UNC13C: variants seen among roughly 807,000 people sequenced by gnomAD.
UNC13C encodes protein unc-13 homolog C.
A neutral mutation model predicts 245.4 loss-of-function variants in UNC13C; 174 were observed. The observed-to-expected ratio is 0.71, with a 90% confidence interval of 0.63 to 0.80. The LOEUF (loss-of-function observed/expected upper bound fraction) is 0.80. Ranked by LOEUF, UNC13C falls within the 30% of genes least tolerant of loss-of-function variation. The pLI is 0.00. For missense variants in UNC13C, 2,829 were observed against 2,602.9 expected (o/e 1.09, Z -1.89); for synonymous variants, 992 against 895.1 (o/e 1.11, Z -1.93).
At chr15:54,163,634 T>A (rs2141271131) in intron 4 of UNC13C, among the ~76,000 whole-genome samples, 1 of 152,330 alleles carries the variant, frequency 6.6e-6, no homozygotes, top group South Asian at 2.1e-4. Flanking sequence ...CTGCCATTAC[T>A]TCCTGAGAAT....
Position 54,014,420 on chromosome 15 carries a change from A to T in UNC13C, c.1517A>T (p.Asp506Val), listed in dbSNP as rs763225247. ...ANSSRISNKS[D>V]YDKISSQLPE... The stretch of plus-strand genomic sequence containing the variant: ...AGCAGCAGAATTTCAAATAAATCAG[A>T]TTATGATAAAATCTCCTCACAGTTG... The change falls in exon 2 of 33, where the codon GAT becomes GTT. Residue 506 changes from aspartate to valine, a missense_variant. Asp to Val is a radical substitution (Grantham distance 152). Coordinates refer to ENST00000260323, the MANE Select transcript of UNC13C (RefSeq NM_001080534.3). 2.1e-5 allele frequency: 34 copies of T among 1,613,706 alleles called. No homozygotes were observed. The highest frequency in any genetic ancestry group is 1.3e-4 in the South Asian group (12 of 91,086).
chr15:54,279,028 G>A (rs1414779835), intron 10 of UNC13C, among the ~76,000 whole-genome samples: 1 of 152,096 alleles, frequency 6.6e-6, no homozygotes, highest in Non-Finnish European at 1.5e-5. Context: ...TCATTCAGAT[G>A]TTCATAAACA....
the UNC13C span, among the ~76,000 whole-genome samples, chr15:53,938,649 A>G: frequency 6.6e-6 from 1 of 152,228 alleles, no homozygotes; most frequent in African/African-American, 2.4e-5. Flanking sequence ...CTGAAATCAT[A>G]ACAATCCCTC....
At chr15:54,364,015 G>A (rs1046859875) in intron 17 of UNC13C, among the ~76,000 whole-genome samples, 7 of 152,068 alleles carry the variant, frequency 4.6e-5, no homozygotes, top group Non-Finnish European at 8.8e-5. Context: ...AATTTGGGGC[G>A]AATTACATCA....
chr15:54,181,049 T>A (rs2033781380), intron 4 of UNC13C, among the ~76,000 whole-genome samples: 1 of 152,054 alleles, frequency 6.6e-6, no homozygotes, highest in East Asian at 1.9e-4. Context: ...TTTTGAGGAC[T>A]TAGTCATAAA....
chr15:54,621,479 C>T (rs1440930820), intron 30 of UNC13C, among the ~76,000 whole-genome samples: 3 of 138,786 alleles, frequency 2.2e-5, no homozygotes, highest in Non-Finnish European at 4.8e-5. Context: ...AGCCTGTAGT[C>T]GTTGATGTAG....
At chr15:54,329,016 A>C (rs2038368727) in intron 14 of UNC13C, among the ~76,000 whole-genome samples, 1 of 151,288 alleles carries the variant, frequency 6.6e-6, no homozygotes, top group South Asian at 2.1e-4. Flanking sequence ...ATATTTACTA[A>C]CTAGCCCTTT....
intron 20 of UNC13C, among the ~76,000 whole-genome samples, chr15:54,499,599 C>T (rs1265178459): frequency 6.6e-6 from 1 of 151,976 alleles, no homozygotes; most frequent in Non-Finnish European, 1.5e-5. Context: ...AATTTATGCT[C>T]AGAATGGAGA....
At chr15:53,973,799 C>T (rs937834635), upstream of UNC13C, among the ~76,000 whole-genome samples, 4 of 152,084 alleles carry the variant, frequency 2.6e-5, no homozygotes, top group Admixed American at 1.3e-4. Flanking sequence ...CATTCAACAT[C>T]AAATGATATC....
At chr15:54,264,143 AT>A (rs1295610464) in intron 8 of UNC13C, 24 bp from the exon 9 acceptor site, 5 of 1,553,266 alleles carry the variant, frequency 3.2e-6, no homozygotes, top group Non-Finnish European at 4.4e-6. Context: ...TTCCATTCAC[AT>A]CACCATTGAT....
At chr15:54,123,375 A>G (rs2030812249) in intron 2 of UNC13C, among the ~76,000 whole-genome samples, 2 of 151,398 alleles carry the variant, frequency 1.3e-5, no homozygotes, top group Admixed American at 6.6e-5. Flanking sequence ...ATACATTTAT[A>G]TGGATATATA....
chr15:54,111,665 C>A (rs188344665), intron 2 of UNC13C, among the ~76,000 whole-genome samples: 1 of 152,298 alleles, frequency 6.6e-6, no homozygotes, highest in Admixed American at 6.5e-5. Context: ...TTGCTCTATA[C>A]TCTGGTATAG....
chr15:53,928,415 C>T, the UNC13C span, among the ~76,000 whole-genome samples: 75 of 152,146 alleles, frequency 4.9e-4, no homozygotes, highest in Non-Finnish European at 7.9e-4. Flanking sequence ...CTGCCCTGGG[C>T]GAGCCAGGTG....
the UNC13C span, among the ~76,000 whole-genome samples, chr15:53,971,395 T>C: frequency 1.3e-5 from 2 of 152,126 alleles, no homozygotes; most frequent in Non-Finnish European, 2.9e-5. Context: ...CAGTGATTTG[T>C]TAAATATGAC....
chr15:54,570,129 CGT>C (rs1380641807), intron 30 of UNC13C, among the ~76,000 whole-genome samples: 1 of 152,154 alleles, frequency 6.6e-6, no homozygotes, highest in African/African-American at 2.4e-5. Context: ...GCTGGTCTCT[CGT>C]GTGTGTTTCT....
chr15:54,415,107 A>G (rs1316876252), intron 19 of UNC13C, 40 bp downstream of exon 19: 10 of 1,412,028 alleles, frequency 7.1e-6, no homozygotes, highest in Non-Finnish European at 2.0e-6. Flanking sequence ...TACATGTTAG[A>G]GTTAAATGGT....
intron 1 of UNC13C, among the ~76,000 whole-genome samples, chr15:53,981,614 T>G (rs946651171): frequency 1.3e-5 from 2 of 152,158 alleles, no homozygotes; most frequent in Non-Finnish European, 2.9e-5. Flanking sequence ...TCCAACTTTC[T>G]TCTAGCTTAA....
At chr15:53,977,212 G>T (rs114882359), upstream of UNC13C, among the ~76,000 whole-genome samples, 1,546 of 152,252 alleles carry the variant, frequency 0.01, 29 homozygotes, top group African/African-American at 0.036. Flanking sequence ...AATGGGGAGG[G>T]CTCAGCTGCT....
chr15:53,868,714 G>T, the UNC13C span, among the ~76,000 whole-genome samples: 26 of 152,282 alleles, frequency 1.7e-4, no homozygotes, highest in East Asian at 5.0e-3. Flanking sequence ...GAGGGAAAAA[G>T]TAAATTTAAG....
Sources: allele counts gnomAD v4.1 joint callset (sites outside exome capture counted in the v4.1 genomes callset), GRCh38; gene constraint gnomAD v4.1.1; transcripts MANE v1.5; gene names NCBI Gene and HGNC (gene_info 2026-07-23, HGNC 2026-07-21).